Variants in MPHOSPH9 observed in about 807,000 individuals in gnomAD.
The protein encoded by MPHOSPH9 is M-phase phosphoprotein 9.
In MPHOSPH9, 88 loss-of-function variants were observed where a neutral mutation model predicts 145.5. The observed-to-expected ratio is 0.60, with a 90% confidence interval of 0.51 to 0.72. MPHOSPH9 has a LOEUF of 0.72. Ranked by LOEUF, MPHOSPH9 falls within the 30% of genes least tolerant of loss-of-function variation. MPHOSPH9 has a pLI of 0.00. For synonymous variants in MPHOSPH9, 435 were observed against 486.2 expected, an observed-to-expected ratio of 0.89 and a Z score of 1.39; for missense variants, 1,238 against 1,386.6, an observed-to-expected ratio of 0.89 and a Z score of 1.70.
intron 6 of MPHOSPH9, among the ~76,000 whole-genome samples, chr12:123,217,769 C>G (rs149473982): frequency 3.3e-4 from 50 of 151,994 alleles, no homozygotes; most frequent in African/African-American, 1.2e-3. Flanking sequence ...ATGGGCCGAG[C>G]GTGGTGGCTC....
chr12:123,217,909 G>A lies in MPHOSPH9; in HGVS notation c.996+467C>T, dbSNP rs948203893. Among the ~76,000 whole-genome samples the A allele has an allele frequency of 2.0e-5, 3 of 152,216 alleles. No individual in the cohort carries two copies. The East Asian group carries it at 5.8e-4, about 29-fold the overall frequency. ...AAATACAAAAAATTAGCCGGGCGTG[G>A]TGGCGGGTGCCTGTAGTCCCAGCTA... On this transcript the variant is annotated intron_variant, in intron 6 of 23. Transcript: ENST00000606320.
chr12:123,215,264 T>C lies in MPHOSPH9; in HGVS notation c.997-430A>G, dbSNP rs116912920. ...CTCAAAAAAAAAGAAGAAAGCCTGA[T>C]TTCCCCATGGTTACAAGAATGCTAA... On this transcript the variant is annotated intron_variant, in intron 6 of 23. Transcript: ENST00000606320. 7.9e-3 allele frequency among the ~76,000 whole-genome samples: 1,195 copies of C among 151,804 alleles called. 10 individuals are homozygous for C. Among genetic ancestry groups the C allele is most frequent in the Non-Finnish European group, 0.013 (873 of 67,944 alleles).
intron 23 of MPHOSPH9, chr12:123,160,217 A>G (rs1419323065): frequency 6.6e-6 from 1 of 152,278 alleles, no homozygotes; most frequent in East Asian, 1.9e-4. Flanking sequence ...ACAAAGTCAG[A>G]AAAAAAGAAG....
rs753933612 is a variant in MPHOSPH9, at chr12:123,214,854, T to C, written c.997-20A>G. The stretch of plus-strand genomic sequence containing the variant: ...ATCAGACTACAAGAAAGAAAACTAT[T>C]GATTGACAGCTAAAAGTCATTAGGC... On this transcript the variant is annotated intron_variant, in intron 6 of 23. Coordinates refer to ENST00000606320, the MANE Select transcript of MPHOSPH9 (RefSeq NM_022782.4). 3 of 1,586,838 alleles carry C rather than the reference T, an allele frequency of 1.9e-6. No homozygotes were observed. In the South Asian group the frequency reaches 3.3e-5, roughly 18 times the overall value.
intron 1 of MPHOSPH9, among the ~76,000 whole-genome samples, chr12:123,243,030 C>T (rs1333180549): frequency 1.3e-5 from 2 of 152,156 alleles, no homozygotes; most frequent in African/African-American, 4.8e-5. Context: ...CTCAATCTTT[C>T]GTAGGTAAGG....
chr12:123,214,626 T>A, intron 7 of MPHOSPH9, 118 bp downstream of exon 7: 1 of 753,134 alleles, frequency 1.3e-6, no homozygotes, highest in Non-Finnish European at 2.2e-6. Flanking sequence ...TACAGTATCA[T>A]CCCATATGGA....
At chr12:123,204,515 C>A (rs2046346788) in intron 8 of MPHOSPH9, among the ~76,000 whole-genome samples, 1 of 152,176 alleles carries the variant, frequency 6.6e-6, no homozygotes, top group Non-Finnish European at 1.5e-5. Flanking sequence ...CCCCACCCAT[C>A]ACTTCTCAGC....
intron 13 of MPHOSPH9, 53 bp from the exon 14 acceptor site, chr12:123,181,263 C>T: frequency 6.7e-7 from 1 of 1,493,902 alleles, no homozygotes; most frequent in Non-Finnish European, 9.3e-7. Context: ...GTTATTCTAT[C>T]AACTGAGGTA....
Position 123,214,809 on chromosome 12 carries a change from G to C in MPHOSPH9, c.1022C>G (p.Pro341Arg). The change falls in exon 7 of 24, where the codon CCT (proline) becomes CGT (arginine). Residue 341 changes from proline (P) to arginine (R), a missense_variant. Physicochemically the swap from Pro to Arg is moderately radical, Grantham distance 103. Around this residue, in one of 3 missense-constraint regions of MPHOSPH9, gnomAD observed 837 missense variants for 897.5 expected, o/e 0.93. Coordinates refer to ENST00000606320, the MANE Select transcript of MPHOSPH9 (RefSeq NM_022782.4). ...TGGTTTACTGAGGTAAAAAGCACGA[G>C]GATGTGTAGCAGCAGCAAAATCAGA... Reference protein sequence around the residue: ...EKSDFAAATHPRAFYLSKPDE... With the variant: ...EKSDFAAATHRRAFYLSKPDE... The C allele has an allele frequency of 6.2e-7, 1 of 1,613,526 alleles. No homozygotes were observed.
chr12:123,233,494 C>T (rs1042625352), upstream of MPHOSPH9: 5 of 152,282 alleles, frequency 3.3e-5, no homozygotes, highest in Admixed American at 2.0e-4. Flanking sequence ...TTGGATATCC[C>T]TAGAACGTTG....
At chr12:123,181,391 T>C (rs185333727) in intron 13 of MPHOSPH9, among the ~76,000 whole-genome samples, 181 bp from the exon 14 acceptor site, 27 of 152,252 alleles carry the variant, frequency 1.8e-4, no homozygotes, top group Admixed American at 3.9e-4. Flanking sequence ...ATTTCTGGAA[T>C]GGTTTCTGTA....
At chr12:123,206,531 TGAGAAGAGAA>T (rs76619851) in intron 8 of MPHOSPH9, among the ~76,000 whole-genome samples, 3 of 150,110 alleles carry the variant, frequency 2.0e-5, no homozygotes, top group Non-Finnish European at 4.4e-5. Context: ...AGAGAAGAGA[TGAGAAGAGAA>T]GAGTATAACA....
At chr12:123,238,871 TA>T (rs960363970) in intron 1 of MPHOSPH9, among the ~76,000 whole-genome samples, 2 of 152,128 alleles carry the variant, frequency 1.3e-5, no homozygotes, top group African/African-American at 4.8e-5. Context: ...CATTGTCCCA[TA>T]AAGTAGCCAC....
intron 1 of MPHOSPH9, among the ~76,000 whole-genome samples, chr12:123,232,587 G>A (rs1187196027): frequency 6.6e-6 from 1 of 152,112 alleles, no homozygotes; most frequent in East Asian, 1.9e-4. Flanking sequence ...TTTCAGATGG[G>A]GATGAGGCCA....
chr12:123,222,942 ATGTGTGTGTGTATATATATATGTGTGTG>A, intron 4 of MPHOSPH9, 68 bp downstream of exon 4: 1 of 718,200 alleles, frequency 1.4e-6, no homozygotes, highest in African/African-American at 2.2e-5. Context: ...ATTTCTATAT[ATGTGTGTGTGTATATATATATGTGTGTG>A]TGTGTGTGTG....
intron 13 of MPHOSPH9, among the ~76,000 whole-genome samples, chr12:123,187,339 A>G (rs1463012444): frequency 6.6e-6 from 1 of 152,226 alleles, no homozygotes; most frequent in Non-Finnish European, 1.5e-5. Context: ...ACCTCGAGAA[A>G]AAAATGAACA....
intron 14 of MPHOSPH9, 39 bp from the exon 15 acceptor site, chr12:123,180,029 A>C: frequency 2.8e-6 from 3 of 1,077,126 alleles, no homozygotes; most frequent in Non-Finnish European, 4.0e-6. Context: ...ACTGAAGACA[A>C]ATATTCACAT....
intron 13 of MPHOSPH9, among the ~76,000 whole-genome samples, chr12:123,189,556 G>A (rs755580476): frequency 5.3e-5 from 8 of 152,094 alleles, no homozygotes; most frequent in Non-Finnish European, 1.0e-4. Context: ...GGACGACACA[G>A]GAATAAACAG....
rs1282701853 is a variant in MPHOSPH9 at position 123,176,728 on chromosome 12, G to A, written c.2416C>T (p.Arg806Cys). 4.3e-6 allele frequency: 7 copies of A among 1,613,768 alleles called. No individual in the cohort carries two copies. The highest frequency in any genetic ancestry group is 1.3e-5 in the African/African-American group (1 of 74,900). The change falls in exon 16 of 24, where the codon CGT (arginine) becomes TGT (cysteine). Residue 806 changes from arginine (R) to cysteine (C), a missense_variant. Coordinates refer to ENST00000606320, the MANE Select transcript of MPHOSPH9 (RefSeq NM_022782.4). ...QVEHENMLSLRHNSRIHVRPS... is the reference protein window; with the variant it reads ...QVEHENMLSLCHNSRIHVRPS... Reference sequence around the variant, plus strand: ...CTCACGTGAATTCTAGAATTATGACGAAGGCTTAACATATTTTCATGTTCT... The same window carrying A: ...CTCACGTGAATTCTAGAATTATGACAAAGGCTTAACATATTTTCATGTTCT...
Sources: allele counts gnomAD v4.1 joint callset (sites outside exome capture counted in the v4.1 genomes callset), GRCh38; gene constraint gnomAD v4.1.1; regional missense constraint gnomAD v4.1.1; transcripts MANE v1.5; gene names NCBI Gene and HGNC (gene_info 2026-07-23, HGNC 2026-07-21).